MGAT4C: variants seen among roughly 807,000 people sequenced by gnomAD.
The protein encoded by MGAT4C is MGAT4 family member C, also known as alpha-1,3-mannosyl-glycoprotein 4-beta-N-acetylglucosaminyltransferase C.
A neutral mutation model predicts 40.1 loss-of-function variants in MGAT4C; 19 were observed. The observed-to-expected ratio is 0.47, with a 90% CI of 0.33 to 0.70. The LOEUF is 0.70. Among genes scored for constraint, MGAT4C ranks in the 30% least tolerant of loss-of-function variants. The probability of loss-of-function intolerance (pLI) is 0.02; values close to 1 mark genes in which losing one functional copy is unlikely to be tolerated. For missense variants in MGAT4C, 491 were observed against 563.2 expected (o/e 0.87, Z 1.30); for synonymous variants, 181 against 187.1 (o/e 0.97, Z 0.27).
intron 2 of MGAT4C, among the ~76,000 whole-genome samples, chr12:86,533,912 GAC>G (rs1173063534): frequency 6.6e-6 from 1 of 151,748 alleles, no homozygotes; most frequent in African/African-American, 2.4e-5. Flanking sequence ...TCTTAAGACT[GAC>G]AAAGCAGACT....
At chr12:86,497,294 A>G (rs1342618416) in intron 2 of MGAT4C, among the ~76,000 whole-genome samples, 1 of 152,002 alleles carries the variant, frequency 6.6e-6, no homozygotes, top group Non-Finnish European at 1.5e-5. Flanking sequence ...TTTGGAGTAT[A>G]TACCTGTGAG....
intron 2 of MGAT4C, among the ~76,000 whole-genome samples, chr12:86,014,401 A>G (rs1888848464): frequency 1.3e-5 from 2 of 152,148 alleles, no homozygotes; most frequent in Non-Finnish European, 2.9e-5. Context: ...AGGAGCTTCA[A>G]GCAGATGCCT....
chr12:86,423,435 T>G (rs548587106), intron 3 of MGAT4C, among the ~76,000 whole-genome samples: 1 of 152,044 alleles, frequency 6.6e-6, no homozygotes, highest in East Asian at 1.9e-4. Context: ...ATGATAGTGT[T>G]TTCAATTTTA....
chr12:86,589,083 A>C (rs1342855766), intron 2 of MGAT4C, among the ~76,000 whole-genome samples: 1 of 151,764 alleles, frequency 6.6e-6, no homozygotes, highest in East Asian at 1.9e-4. Context: ...AGAGACACAA[A>C]AAACCCTTCA....
At chr12:86,770,668 T>C (rs1048950839) in intron 1 of MGAT4C, among the ~76,000 whole-genome samples, 6 of 152,132 alleles carry the variant, frequency 3.9e-5, no homozygotes, top group Non-Finnish European at 8.8e-5. Context: ...TTAAACACCA[T>C]AAGCATCAAC....
intron 1 of MGAT4C, among the ~76,000 whole-genome samples, chr12:86,246,380 T>C (rs1185532209): frequency 6.6e-6 from 1 of 152,006 alleles, no homozygotes; most frequent in East Asian, 1.9e-4. Context: ...CTAGAGAGTC[T>C]AGGTCTTCAT....
At position 86,241,009 on chromosome 12, in the gene MGAT4C, A is replaced by C. The variant is rs192750458; in HGVS notation, c.-57+15230T>G. 3.2e-4 allele frequency among the ~76,000 whole-genome samples: 49 copies of C among 152,246 alleles called. No individual in the cohort carries two copies. In the East Asian group the frequency reaches 5.6e-3, roughly 17 times the overall value. On this transcript the variant is annotated intron_variant, in intron 1 of 4. Coordinates refer to ENST00000611864, the MANE Select transcript of MGAT4C (RefSeq NM_001351288.2). ...AATACAATCTCCCCACTCTCACAGA[A>C]TATTCCTCACCTTCAGTTTGTCTGA...
intron 1 of MGAT4C, among the ~76,000 whole-genome samples, chr12:86,073,589 C>T (rs1056264102): frequency 1.3e-5 from 2 of 151,782 alleles, no homozygotes; most frequent in Admixed American, 6.6e-5. Context: ...TAGTCTCAGA[C>T]GGAGATCAGA....
At chr12:86,029,524 T>C (rs1233388353) in intron 2 of MGAT4C, among the ~76,000 whole-genome samples, 1 of 151,996 alleles carries the variant, frequency 6.6e-6, no homozygotes, top group Non-Finnish European at 1.5e-5. Flanking sequence ...CTTCTTTCCT[T>C]AGTCACAATT....
intron 2 of MGAT4C, among the ~76,000 whole-genome samples, chr12:86,046,046 C>A (rs1198459040): frequency 6.6e-6 from 1 of 152,200 alleles, no homozygotes; most frequent in Non-Finnish European, 1.5e-5. Flanking sequence ...TACTTCTTAA[C>A]ATGTCCCTAC....
chr12:86,198,296 CCATT>C (rs1375995797), intron 1 of MGAT4C, among the ~76,000 whole-genome samples: 3 of 152,134 alleles, frequency 2.0e-5, no homozygotes, highest in Non-Finnish European at 4.4e-5. Context: ...AGTCTGAAGG[CCATT>C]CAGTCATTTG....
intron 1 of MGAT4C, among the ~76,000 whole-genome samples, chr12:86,178,820 A>G (rs1402992211): frequency 2.0e-5 from 3 of 152,294 alleles, no homozygotes; most frequent in Non-Finnish European, 2.9e-5. Context: ...ATGTTTCTCA[A>G]TAATGCCTAG....
chr12:86,137,849 C>T (rs550770649), intron 1 of MGAT4C, among the ~76,000 whole-genome samples: 103 of 152,274 alleles, frequency 6.8e-4, no homozygotes, highest in Non-Finnish European at 3.1e-4. Flanking sequence ...AGCCAATAAC[C>T]ACATGGAGCT....
chr12:86,486,376 G>GCA (rs59222713), intron 2 of MGAT4C, among the ~76,000 whole-genome samples: 16,090 of 139,724 alleles, frequency 0.12, 902 homozygotes, highest in East Asian at 0.14. Flanking sequence ...GATCTATCAT[G>GCA]CACACACACA....
intron 2 of MGAT4C, among the ~76,000 whole-genome samples, chr12:86,516,870 G>A (rs541303872): frequency 9.9e-4 from 150 of 152,140 alleles, no homozygotes; most frequent in South Asian, 5.2e-3. Flanking sequence ...AATCAAAGAC[G>A]TATATAAACA....
intron 1 of MGAT4C, among the ~76,000 whole-genome samples, chr12:86,769,163 A>C (rs954598028): frequency 1.3e-5 from 2 of 152,170 alleles, no homozygotes; most frequent in African/African-American, 4.8e-5. Flanking sequence ...AACTCAAACA[A>C]ATTTACAAGA....
In MGAT4C at chr12:85,971,378, C is replaced by T. The variant is rs989926072; in HGVS notation, c.*7911G>A. On this transcript the variant is annotated 3_prime_UTR_variant, in exon 5 of 5. Coordinates refer to ENST00000611864, the MANE Select transcript of MGAT4C (RefSeq NM_001351288.2). ...CAAATATTACAAAATATGTTGTTAA[C>T]TTTTCAAAGATGATCGGTTTAGATT... The T allele has an allele frequency of 6.6e-6, 1 of 151,062 alleles. No homozygotes were observed. Among genetic ancestry groups the T allele is most frequent in the African/African-American group, 2.4e-5 (1 of 41,332 alleles). 9.4% of individuals were successfully genotyped at this position (151,062 alleles called of 1,614,324 possible).
intron 1 of MGAT4C, among the ~76,000 whole-genome samples, chr12:86,159,162 C>T (rs988833860): frequency 1.3e-5 from 2 of 151,862 alleles, no homozygotes; most frequent in Non-Finnish European, 2.9e-5. Flanking sequence ...TGATGTAGTC[C>T]GTGGGTGTGT....
chr12:86,361,765 G>T (rs1955479351), intron 3 of MGAT4C, among the ~76,000 whole-genome samples: 1 of 152,154 alleles, frequency 6.6e-6, no homozygotes, highest in East Asian at 1.9e-4. Flanking sequence ...TCAGAGAAAT[G>T]CAAATCAAAA....
Sources: allele counts gnomAD v4.1 joint callset (sites outside exome capture counted in the v4.1 genomes callset), GRCh38; gene constraint gnomAD v4.1.1; transcripts MANE v1.5; gene names NCBI Gene and HGNC (gene_info 2026-07-23, HGNC 2026-07-21).